The following ZSCAN5A variants were observed in gnomAD, a reference collection of about 807,000 sequenced individuals.
ZSCAN5A encodes the protein zinc finger and SCAN domain-containing protein 5A.
In ZSCAN5A, 12 loss-of-function variants were observed where a neutral mutation model predicts 23.7. That is an observed-to-expected ratio of 0.51 (90% CI 0.32 to 0.82). ZSCAN5A has a LOEUF of 0.82. Ranked by LOEUF, ZSCAN5A falls within the 40% of genes least tolerant of loss-of-function variation. The pLI, the probability that ZSCAN5A is intolerant of heterozygous loss-of-function variation, is 0.03. For synonymous variants in ZSCAN5A, 257 were observed against 239.9 expected, an observed-to-expected ratio of 1.07 and a Z score of -0.66; for missense variants, 597 against 617.9, an observed-to-expected ratio of 0.97 and a Z score of 0.36.
chr19:56,362,535 C>T (rs1358202588), intron 2 of ZSCAN5A, among the ~76,000 whole-genome samples: 1 of 151,698 alleles, frequency 6.6e-6, no homozygotes, highest in East Asian at 1.9e-4. Flanking sequence ...CACAAAAAGG[C>T]AACAGAGTGA....
intron 2 of ZSCAN5A, among the ~76,000 whole-genome samples, chr19:56,285,848 G>A (rs987776085): frequency 1.3e-5 from 2 of 152,092 alleles, no homozygotes; most frequent in African/African-American, 4.8e-5. Flanking sequence ...TCCAGTCATT[G>A]CTTTTTTATT....
intron 2 of ZSCAN5A, among the ~76,000 whole-genome samples, chr19:56,339,308 G>A (rs1014191568): frequency 7.9e-5 from 12 of 152,088 alleles, no homozygotes; most frequent in African/African-American, 2.2e-4. Context: ...GGCTGTAGCC[G>A]CATTTAGCAA....
At chr19:56,232,500 GA>G (rs111369454) in intron 2 of ZSCAN5A, among the ~76,000 whole-genome samples, 2,396 of 149,670 alleles carry the variant, frequency 0.016, 74 homozygotes, top group African/African-American at 0.056. Flanking sequence ...ATAAGACCAT[GA>G]AAAAAAAAGA....
rs73937233 is a variant in ZSCAN5A, at chr19:56,308,672, G to A, written c.-128+4611C>T. Among the ~76,000 whole-genome samples the A allele has an allele frequency of 2.5e-3, 363 of 145,168 alleles. 1 individual carries two copies. Among genetic ancestry groups the A allele is most frequent in the African/African-American group, 8.9e-3 (346 of 38,764 alleles). On this transcript the variant is annotated intron_variant, in intron 2 of 5. Transcript: ENST00000683990. ...CCCAAAACATCACATTTTTTTTCCCGCTCCATTATGCCATTGCACACATTG... is the reference window on the plus strand; with the variant it reads ...CCCAAAACATCACATTTTTTTTCCCACTCCATTATGCCATTGCACACATTG...
intron 2 of ZSCAN5A, among the ~76,000 whole-genome samples, chr19:56,336,985 C>G (rs1434345754): frequency 6.6e-6 from 1 of 152,144 alleles, no homozygotes; most frequent in African/African-American, 2.4e-5. Flanking sequence ...AGGTGTCAGT[C>G]TGCCCCTACT....
Position 56,223,802 on chromosome 19 carries a change from A to C in ZSCAN5A, c.417T>G (p.Ile139Met). ...SVVTFHGKEY[I>M]VQDSDIEMAE... ...CCATCTCGATATCTGAGTCCTGCAC[A>C]ATATATTCCTTTCCGTGGAAGGTGA... is the stretch of plus-strand genomic sequence containing the variant. Residue 139 changes from isoleucine to methionine, a missense_variant, in exon 4 of 6, where the codon ATT (isoleucine) becomes ATG (methionine). Physicochemically the swap from Ile to Met is conservative, Grantham distance 10. Coordinates refer to ENST00000683990, the MANE Select transcript of ZSCAN5A (RefSeq NM_001322064.3). The C allele has an allele frequency of 6.2e-7, 1 of 1,613,612 alleles. No individual in the cohort carries two copies. The highest frequency in any genetic ancestry group is 8.5e-7 in the Non-Finnish European group (1 of 1,180,010).
At chr19:56,326,217 G>A (rs927261458) in intron 2 of ZSCAN5A, among the ~76,000 whole-genome samples, 6 of 151,958 alleles carry the variant, frequency 3.9e-5, no homozygotes, top group East Asian at 1.9e-4. Context: ...GATTACAGGC[G>A]TGAGCCACCA....
At position 56,231,241 on chromosome 19, in the gene ZSCAN5A, C is replaced by G. The variant is rs79777113; in HGVS notation, c.-127-6068G>C. ...AAATAAATGAATACATAAATGTTCCCCTCATACAAAAAAGATAAGTATGCA... is the reference window on the plus strand; with the variant it reads ...AAATAAATGAATACATAAATGTTCCGCTCATACAAAAAAGATAAGTATGCA... On this transcript the variant is annotated intron_variant, in intron 2 of 5. Coordinates refer to ENST00000683990, the MANE Select transcript of ZSCAN5A (RefSeq NM_001322064.3). 9.6e-3 allele frequency among the ~76,000 whole-genome samples: 1,455 copies of G among 152,098 alleles called. 22 individuals are homozygous for G. Among genetic ancestry groups the G allele is most frequent in the African/African-American group, 0.032 (1,336 of 41,512 alleles).
chr19:56,298,863 A>C (rs552475580), intron 2 of ZSCAN5A, among the ~76,000 whole-genome samples: 1 of 152,340 alleles, frequency 6.6e-6, no homozygotes, highest in South Asian at 2.1e-4. Flanking sequence ...AATAACCTTG[A>C]TAAAAGATCT....
At chr19:56,320,813 T>C in intron 2 of ZSCAN5A, 1 of 794,350 alleles carries the variant, frequency 1.3e-6, no homozygotes, top group South Asian at 1.3e-5. Context: ...CTTATCACCA[T>C]AGGTGGCAGC....
chr19:56,299,295 C>T (rs2040079302), intron 2 of ZSCAN5A, among the ~76,000 whole-genome samples: 1 of 152,010 alleles, frequency 6.6e-6, no homozygotes, highest in Non-Finnish European at 1.5e-5. Context: ...CCACACCCAG[C>T]TAATTTATTA....
upstream of ZSCAN5A, chr19:56,317,145 T>C (rs2041325803): frequency 6.6e-6 from 1 of 152,280 alleles, no homozygotes; most frequent in South Asian, 2.1e-4. Context: ...CTAGGCTTCT[T>C]TAAACATTGA....
At chr19:56,237,648 G>A (rs369270118) in intron 2 of ZSCAN5A, among the ~76,000 whole-genome samples, 249 of 152,202 alleles carry the variant, frequency 1.6e-3, no homozygotes, top group Non-Finnish European at 2.0e-3. Flanking sequence ...GCCGGGGCGC[G>A]GTGGCTCATG....
chr19:56,250,542 G>A (rs924333263), intron 2 of ZSCAN5A, among the ~76,000 whole-genome samples: 2 of 152,184 alleles, frequency 1.3e-5, no homozygotes, highest in Non-Finnish European at 2.9e-5. Context: ...CATTTCAGTG[G>A]TGAGGAGGCA....
At chr19:56,258,607 G>T (rs1404636500) in intron 2 of ZSCAN5A, among the ~76,000 whole-genome samples, 1 of 151,776 alleles carries the variant, frequency 6.6e-6, no homozygotes, top group East Asian at 1.9e-4. Flanking sequence ...TCCAGTGTGG[G>T]GGGTGACCGA....
exon 1 of ZSCAN5A, chr19:56,368,268 AGCGGGGCCGT>A (rs1315691197): frequency 6.6e-6 from 1 of 152,384 alleles, no homozygotes; most frequent in Non-Finnish European, 1.5e-5. Context: ...GGTCACTGGG[AGCGGGGCCGT>A]GGGGGCTGCA....
At chr19:56,290,362 A>G (rs1185831588) in intron 2 of ZSCAN5A, among the ~76,000 whole-genome samples, 2 of 152,240 alleles carry the variant, frequency 1.3e-5, no homozygotes, top group Non-Finnish European at 2.9e-5. Context: ...AGAGCTGCAT[A>G]GTTGTGACTG....
chr19:56,351,037 G>A lies in ZSCAN5A; in HGVS notation c.-358+12198C>T, dbSNP rs1271396775. Among the ~76,000 whole-genome samples the A allele has an allele frequency of 6.6e-6, 1 of 151,706 alleles. No individual in the cohort carries two copies. The highest frequency in any genetic ancestry group is 1.5e-5 in the Non-Finnish European group (1 of 67,960). ...CTTTTCAGCAGACAGTACCCAGAAA[G>A]AATCATCATCTAACACCCCCTAACA... is the stretch of plus-strand genomic sequence containing the variant. On this transcript the variant is annotated intron_variant, in intron 2 of 6. Coordinates refer to the ZSCAN5A transcript ENST00000587340. The surrounding 1 kb of genome is among the most constrained non-coding windows in gnomAD (Gnocchi z 4.8).
At chr19:56,361,737 G>C (rs192942829) in intron 2 of ZSCAN5A, among the ~76,000 whole-genome samples, 1 of 152,276 alleles carries the variant, frequency 6.6e-6, no homozygotes, top group African/African-American at 2.4e-5. Context: ...AGTATCAAAA[G>C]AAATAGCTAA....
Sources: gnomAD v4.1 joint callset for allele counts (sites outside exome capture counted in the v4.1 genomes callset) on GRCh38, gnomAD v4.1.1 for gene constraint, Gnocchi (gnomAD v3.1) non-coding constraint, MANE v1.5 for transcripts, NCBI Gene and HGNC (gene_info 2026-07-23, HGNC 2026-07-21) for gene names.